The following KCNH5 variants were observed in gnomAD, a reference collection of about 807,000 sequenced individuals.
KCNH5 encodes potassium voltage-gated channel subfamily H member 5, also known as voltage-gated delayed rectifier potassium channel KCNH5.
A neutral mutation model predicts 96.1 loss-of-function variants in KCNH5; 46 were observed. The observed-to-expected ratio is 0.48, with a 90% confidence interval of 0.38 to 0.61. The LOEUF (loss-of-function observed/expected upper bound fraction) is 0.61, where lower values mean the gene tolerates loss of function less well. KCNH5 is among the 20% of genes least tolerant of loss of function. The pLI is 0.00. For missense variants in KCNH5, 907 were observed against 1,225.8 expected (o/e 0.74, Z 3.88); for synonymous variants, 439 against 449.8 (o/e 0.98, Z 0.30).
intron 7 of KCNH5, among the ~76,000 whole-genome samples, chr14:62,922,154 C>A (rs952879448): frequency 1.3e-5 from 2 of 151,934 alleles, no homozygotes; most frequent in African/African-American, 4.8e-5. Flanking sequence ...CCTTTGTAAT[C>A]CCTGAGGTTT....
intron 10 of KCNH5, among the ~76,000 whole-genome samples, chr14:62,724,908 T>C (rs1412409037): frequency 6.6e-6 from 1 of 152,314 alleles, no homozygotes; most frequent in East Asian, 1.9e-4. Context: ...CATCTGCCAG[T>C]GCATTTGCCC....
intron 1 of KCNH5, among the ~76,000 whole-genome samples, chr14:63,031,770 A>G (rs1444542617): frequency 6.6e-6 from 1 of 152,196 alleles, no homozygotes; most frequent in Admixed American, 6.5e-5. Flanking sequence ...ACACACATAC[A>G]AAAGGGTAAA....
chr14:62,735,018 C>T (rs1342597243), intron 10 of KCNH5, among the ~76,000 whole-genome samples: 3 of 152,084 alleles, frequency 2.0e-5, no homozygotes, highest in South Asian at 2.1e-4. Flanking sequence ...CAAGTGCAGA[C>T]AAGTCCTTGG....
At chr14:62,820,046 C>CT (rs1267390850) in intron 8 of KCNH5, among the ~76,000 whole-genome samples, 3 of 152,096 alleles carry the variant, frequency 2.0e-5, no homozygotes, top group Non-Finnish European at 4.4e-5. Context: ...TTAAAAATGG[C>CT]TCCAAAAAGT....
intron 7 of KCNH5, among the ~76,000 whole-genome samples, chr14:62,900,394 G>T (rs1888901096): frequency 6.6e-6 from 1 of 152,166 alleles, no homozygotes; most frequent in African/African-American, 2.4e-5. Context: ...ATACTTTTAT[G>T]TGTATGCACA....
At chr14:62,709,336 G>T (rs7149514) in intron 10 of KCNH5, among the ~76,000 whole-genome samples, 5,704 of 151,580 alleles carry the variant, frequency 0.038, 164 homozygotes, top group East Asian at 0.1. Flanking sequence ...TTTAGCAAAT[G>T]GCATCTGGGT....
intron 5 of KCNH5, among the ~76,000 whole-genome samples, chr14:62,982,104 C>T (rs1216559971): frequency 3.9e-5 from 6 of 152,088 alleles, no homozygotes; most frequent in Admixed American, 2.0e-4. Context: ...ACAGTTGAGG[C>T]GAGATCACGA....
At chr14:62,882,963 T>C (rs1005237105) in intron 7 of KCNH5, among the ~76,000 whole-genome samples, 3 of 152,252 alleles carry the variant, frequency 2.0e-5, no homozygotes. Context: ...ATGTTTCTAA[T>C]ATCTCTGAAA....
chr14:62,762,748 C>CAA (rs75812123), intron 10 of KCNH5, among the ~76,000 whole-genome samples: 2 of 133,250 alleles, frequency 1.5e-5, no homozygotes, highest in South Asian at 2.4e-4. Context: ...ATTCTAATTT[C>CAA]AAAAAAAAAA....
At chr14:62,734,065 A>G (rs1235466924) in intron 10 of KCNH5, among the ~76,000 whole-genome samples, 1 of 152,130 alleles carries the variant, frequency 6.6e-6, no homozygotes, top group African/African-American at 2.4e-5. Context: ...CTAACTAATG[A>G]TTATCCTCAT....
At chr14:62,743,263 A>G (rs989701275) in intron 10 of KCNH5, among the ~76,000 whole-genome samples, 1 of 152,220 alleles carries the variant, frequency 6.6e-6, no homozygotes, top group African/African-American at 2.4e-5. Flanking sequence ...AATTTAAATT[A>G]GTTTGGGACA....
At chr14:62,823,440 G>A (rs1055435214) in intron 8 of KCNH5, among the ~76,000 whole-genome samples, 1 of 152,056 alleles carries the variant, frequency 6.6e-6, no homozygotes, top group African/African-American at 2.4e-5. Context: ...GGGGGTATGA[G>A]TAATGGAGTC....
At chr14:62,870,582 G>T (rs1311041868) in intron 7 of KCNH5, among the ~76,000 whole-genome samples, 1 of 152,032 alleles carries the variant, frequency 6.6e-6, no homozygotes, top group African/African-American at 2.4e-5. Context: ...TATAAATCTA[G>T]TTATTTTTCT....
Position 62,706,596 on chromosome 14 carries a change from C to G in KCNH5, c.*912G>C, listed in dbSNP as rs1034439665. 2 of 151,750 alleles carry G rather than the reference C, an allele frequency of 1.3e-5. No homozygotes were observed. The highest frequency in any genetic ancestry group is 4.8e-5 in the African/African-American group (2 of 41,336). The allele number at this position is 151,750 out of a possible 1,614,324, so 9.4% of individuals were successfully genotyped here. A position where few individuals can be genotyped will look rare whatever the true frequency, so the allele number is the denominator to read the frequency against. Reference sequence around the variant, plus strand: ...TATTTTTTGTATGTTTCTTTGCTAACAAGCCTTTCAATGTCACTCTTGAAC... The same window carrying G: ...TATTTTTTGTATGTTTCTTTGCTAAGAAGCCTTTCAATGTCACTCTTGAAC... On this transcript the variant is annotated 3_prime_UTR_variant, in exon 11 of 11. Transcript: ENST00000322893.
rs576144653 is a variant in KCNH5 at position 62,802,233 on chromosome 14, A to G, written c.1822+96T>C. 2.3e-5 allele frequency: 30 copies of G among 1,294,848 alleles called. No individual in the cohort carries two copies. In the East Asian group the frequency reaches 7.2e-4, roughly 31 times the overall value. 80.2% of individuals were successfully genotyped at this position (1,294,848 alleles called of 1,614,324 possible). On this transcript the variant is annotated intron_variant, in intron 9 of 10. Transcript: ENST00000322893. ...CATTAGTGACCCAATTTCCAAAGTT[A>G]CCAAACAAAGGAAATTTCTCTTTAA...
intron 7 of KCNH5, among the ~76,000 whole-genome samples, chr14:62,878,217 G>A (rs1450170612): frequency 2.8e-4 from 43 of 151,336 alleles, no homozygotes; most frequent in Non-Finnish European, 4.9e-4. Flanking sequence ...GGGGGGCGGA[G>A]GGATAGCATT....
chr14:62,980,543 C>A (rs1349292432), intron 6 of KCNH5, among the ~76,000 whole-genome samples: 1 of 152,146 alleles, frequency 6.6e-6, no homozygotes. Context: ...ACCACAATTA[C>A]TTTTGCACCA....
At chr14:62,787,647 A>G (rs896710252) in intron 9 of KCNH5, among the ~76,000 whole-genome samples, 7 of 152,222 alleles carry the variant, frequency 4.6e-5, no homozygotes, top group African/African-American at 1.4e-4. Flanking sequence ...TTTAAAGGAT[A>G]GGCTAACTTG....
chr14:62,892,119 G>C (rs1159629273), intron 7 of KCNH5, among the ~76,000 whole-genome samples: 2 of 152,200 alleles, frequency 1.3e-5, no homozygotes, highest in African/African-American at 4.8e-5. Context: ...AAAGCTGAAA[G>C]AGTCCAAAAG....
Sources: allele counts gnomAD v4.1 joint callset (sites outside exome capture counted in the v4.1 genomes callset), GRCh38; gene constraint gnomAD v4.1.1; transcripts MANE v1.5; gene names NCBI Gene and HGNC (gene_info 2026-07-23, HGNC 2026-07-21).